The following KLHL18 variants were observed in gnomAD, a reference collection of about 807,000 sequenced individuals.
The protein encoded by KLHL18 is kelch like family member 18.
In KLHL18, 38 loss-of-function variants were observed where a neutral mutation model predicts 58.5. That is an observed-to-expected ratio of 0.65 (90% CI 0.50 to 0.85). The LOEUF is 0.85. Ranked by LOEUF, KLHL18 falls within the 40% of genes least tolerant of loss-of-function variation. KLHL18 has a pLI of 0.00. For missense variants in KLHL18, 624 were observed against 778.4 expected (o/e 0.80, Z 2.36); for synonymous variants, 303 against 301.9 (o/e 1.00, Z -0.04).
chr3:47,307,621 C>T (rs994810713), intron 1 of KLHL18, among the ~76,000 whole-genome samples: 2 of 151,780 alleles, frequency 1.3e-5, no homozygotes, highest in African/African-American at 4.8e-5. Flanking sequence ...AACTCCTGGG[C>T]TCAGGCAGTC....
At chr3:47,284,554 C>T (rs192952196) in intron 1 of KLHL18, among the ~76,000 whole-genome samples, 41 of 152,072 alleles carry the variant, frequency 2.7e-4, no homozygotes, top group Non-Finnish European at 4.7e-4. Flanking sequence ...TCAGGCTGGT[C>T]TCGAACTCCT....
At chr3:47,303,270 A>G (rs1703065665) in intron 1 of KLHL18, among the ~76,000 whole-genome samples, 1 of 152,104 alleles carries the variant, frequency 6.6e-6, no homozygotes, top group African/African-American at 2.4e-5. Context: ...AGCATTGGCA[A>G]TCCTTTCCAT....
chr3:47,332,927 G>A (rs989875724), intron 4 of KLHL18, among the ~76,000 whole-genome samples: 5 of 152,154 alleles, frequency 3.3e-5, no homozygotes, highest in Non-Finnish European at 5.9e-5. Context: ...GTAATAAGAT[G>A]CCATTGATGA....
intron 1 of KLHL18, among the ~76,000 whole-genome samples, chr3:47,292,435 T>C (rs1226788886): frequency 1.3e-5 from 2 of 151,068 alleles, no homozygotes; most frequent in African/African-American, 4.9e-5. Flanking sequence ...GATCGTGCCA[T>C]TGCACTCCAG....
chr3:47,309,770 G>A (rs1703248856), intron 1 of KLHL18, among the ~76,000 whole-genome samples: 1 of 152,230 alleles, frequency 6.6e-6, no homozygotes, highest in African/African-American at 2.4e-5. Context: ...GGCCGAGGCT[G>A]GCGGATCACT....
intron 3 of KLHL18, among the ~76,000 whole-genome samples, chr3:47,328,182 T>C (rs1576174439): frequency 6.6e-6 from 1 of 151,016 alleles, no homozygotes; most frequent in Non-Finnish European, 1.5e-5. Context: ...CTGGGCAACA[T>C]AGGGAGATGC....
In KLHL18 at chr3:47,333,140, A is replaced by G. The variant is rs1336937604; in HGVS notation, c.601-17A>G. Reference sequence around the variant, plus strand: ...GGGTGGGAGGATTTGCTGCCAGAACATCCACTCTCATGACAGGTCTTTGAA... The same window carrying G: ...GGGTGGGAGGATTTGCTGCCAGAACGTCCACTCTCATGACAGGTCTTTGAA... On this transcript the variant is annotated splice_polypyrimidine_tract_variant and intron_variant, in intron 4 of 9. Coordinates refer to ENST00000232766, the MANE Select transcript of KLHL18 (RefSeq NM_025010.5). 6.2e-7 allele frequency: 1 copy of G among 1,608,450 alleles called. No individual in the cohort carries two copies. The highest frequency in any genetic ancestry group is 1.3e-5 in the African/African-American group (1 of 74,772).
intron 7 of KLHL18, among the ~76,000 whole-genome samples, chr3:47,339,272 A>G (rs1704052820): frequency 6.6e-6 from 1 of 151,912 alleles, no homozygotes. Flanking sequence ...AGGCGGGAGG[A>G]TTGCTGGAGC....
At chr3:47,319,292 G>A (rs1169726894) in intron 1 of KLHL18, among the ~76,000 whole-genome samples, 2 of 152,228 alleles carry the variant, frequency 1.3e-5, no homozygotes. Context: ...TTGGGATAAA[G>A]TGTTACAGGA....
chr3:47,310,550 A>G (rs1323144541), intron 1 of KLHL18, among the ~76,000 whole-genome samples: 1 of 152,172 alleles, frequency 6.6e-6, no homozygotes, highest in Non-Finnish European at 1.5e-5. Flanking sequence ...GCCCAGACTT[A>G]TCTCTGTATA....
intron 1 of KLHL18, among the ~76,000 whole-genome samples, chr3:47,284,859 C>T (rs1424523879): frequency 6.6e-6 from 1 of 152,064 alleles, no homozygotes; most frequent in Admixed American, 6.5e-5. Flanking sequence ...CGCTGTGTGG[C>T]ACAGGCTGGA....
chr3:47,331,970 G>A (rs1703874127), intron 4 of KLHL18, among the ~76,000 whole-genome samples: 1 of 152,154 alleles, frequency 6.6e-6, no homozygotes, highest in Admixed American at 6.5e-5. Flanking sequence ...CACGCCCAGG[G>A]ACGGGGGACA....
intron 1 of KLHL18, among the ~76,000 whole-genome samples, chr3:47,306,836 G>A (rs1703158890): frequency 6.6e-6 from 1 of 152,196 alleles, no homozygotes. Context: ...TCTCCTGGAT[G>A]TGAAATTATA....
intron 4 of KLHL18, among the ~76,000 whole-genome samples, chr3:47,331,598 A>G (rs1268454017): frequency 1.3e-5 from 2 of 150,544 alleles, no homozygotes; most frequent in Non-Finnish European, 3.0e-5. Flanking sequence ...ATGCCTGGCT[A>G]ACTTTTGTAT....
intron 1 of KLHL18, among the ~76,000 whole-genome samples, chr3:47,284,189 A>C (rs1702588096): frequency 6.6e-6 from 1 of 151,984 alleles, no homozygotes; most frequent in Non-Finnish European, 1.5e-5. Context: ...TTGTAATCAC[A>C]CCACTGCACT....
chr3:47,327,678 C>G (rs1191870252), intron 3 of KLHL18, among the ~76,000 whole-genome samples: 1 of 152,206 alleles, frequency 6.6e-6, no homozygotes, highest in Non-Finnish European at 1.5e-5. Context: ...GCTTATGTTT[C>G]TGTGCTCTTC....
chr3:47,298,785 TA>T (rs1359820731), intron 1 of KLHL18, among the ~76,000 whole-genome samples: 1 of 152,206 alleles, frequency 6.6e-6, no homozygotes, highest in Non-Finnish European at 1.5e-5. Flanking sequence ...AACTGTTATA[TA>T]AATGAAATCG....
chr3:47,337,327 GTC>G, intron 7 of KLHL18: 3 of 160,858 alleles, frequency 1.9e-5, no homozygotes, highest in Admixed American at 5.7e-5. Context: ...AAGTTGATAT[GTC>G]ACTCAGTACA....
chr3:47,325,186 T>C (rs781715166), intron 3 of KLHL18, among the ~76,000 whole-genome samples: 24 of 152,212 alleles, frequency 1.6e-4, no homozygotes, highest in Admixed American at 8.5e-4. Context: ...TTTTTTTCTT[T>C]TTTTTTTTAA....
Sources: gnomAD v4.1 joint callset for allele counts (sites outside exome capture counted in the v4.1 genomes callset) on GRCh38, gnomAD v4.1.1 for gene constraint, MANE v1.5 for transcripts, NCBI Gene and HGNC (gene_info 2026-07-23, HGNC 2026-07-21) for gene names.